The following ATP2A2 variants were observed in gnomAD, a reference collection of about 807,000 sequenced individuals.
The protein encoded by ATP2A2 is ATPase sarcoplasmic/endoplasmic reticulum Ca2+ transporting 2.
In ATP2A2, 14 loss-of-function variants were observed where a neutral mutation model predicts 109.3. The ratio of observed to expected loss-of-function variants is 0.13; its 90% CI spans 0.08 to 0.20. The LOEUF (loss-of-function observed/expected upper bound fraction) is 0.20, where lower values mean the gene tolerates loss of function less well. Ranked by LOEUF, ATP2A2 falls within the 10% of genes least tolerant of loss-of-function variation. ATP2A2 has a pLI of 1.00. For missense variants in ATP2A2, 657 were observed against 1,321.6 expected (o/e 0.50, Z 7.80); for synonymous variants, 506 against 490.9 (o/e 1.03, Z -0.41).
chr12:110,321,113 G>C (rs1374074962), intron 5 of ATP2A2, among the ~76,000 whole-genome samples: 1 of 152,126 alleles, frequency 6.6e-6, no homozygotes, highest in Non-Finnish European at 1.5e-5. Flanking sequence ...CTGTAGTCCC[G>C]GTTGATCAGG....
intron 11 of ATP2A2, among the ~76,000 whole-genome samples, chr12:110,338,495 T>C (rs1442371780): frequency 1.3e-5 from 2 of 152,222 alleles, no homozygotes; most frequent in African/African-American, 4.8e-5. Context: ...GTTTGCTCTT[T>C]CGTCCAGGGT....
chr12:110,332,634 C>G lies in ATP2A2; in HGVS notation c.1133C>G (p.Ser378Cys). 6 of 1,613,698 alleles carry G rather than the reference C, an allele frequency of 3.7e-6. No homozygotes were observed. Among genetic ancestry groups the G allele is most frequent in the Non-Finnish European group, 5.1e-6 (6 of 1,179,620 alleles). The change falls in exon 9 of 20, where the codon TCC becomes TGC. Residue 378 changes from serine to cysteine, a missense_variant. Around this residue, in one of 9 missense-constraint regions of ATP2A2, gnomAD observed 46 missense variants for 62.0 expected, o/e 0.74. Transcript: ENST00000539276. The stretch of plus-strand genomic sequence containing the variant: ...GACAGAGTGGAAGGTGATACTTGTT[C>G]CCTTAATGAGTTTACCATAACTGGA... ...ILDRVEGDTC[S>C]LNEFTITGST...
rs117494432 is a variant in ATP2A2, at chr12:110,345,338, G to A, written c.2697G>A (p.Ala899=). 1.7e-5 allele frequency: 28 copies of A among 1,614,062 alleles called. No homozygotes were observed. The highest frequency in any genetic ancestry group is 1.2e-4 in the Admixed American group (7 of 59,990). ...AATCCCCATACCCGATGACAATGGC[G>A]CTCTCTGTTCTAGTAACTATAGAAA... The part of the protein sequence containing the change: ...IFESPYPMTM[A]LSVLVTIEMC... The change falls in exon 18 of 20, where the codon GCG becomes GCA. Residue 899 remains alanine, a synonymous_variant. Transcript: ENST00000539276.
rs776130057 is a variant in ATP2A2, at chr12:110,323,083, T to TA, written c.544+12dup. 1.3e-6 allele frequency: 2 copies of TA among 1,587,932 alleles called. No individual in the cohort carries two copies. Among genetic ancestry groups the TA allele is most frequent in the East Asian group, 4.5e-5 (2 of 44,736 alleles). On this transcript the variant is annotated intron_variant, in intron 6 of 19. Coordinates refer to ENST00000539276, the MANE Select transcript of ATP2A2 (RefSeq NM_170665.4). ...AGTCAATTCTCACAGGTAAATATGA[T>TA]ATATTAAGTCATTGAATTTCTGAAG...
chr12:110,289,167 G>C (rs984867894), intron 3 of ATP2A2, among the ~76,000 whole-genome samples: 3 of 152,160 alleles, frequency 2.0e-5, no homozygotes, highest in African/African-American at 4.8e-5. Context: ...ACTGCCAAGA[G>C]GGAAATTCAT....
intron 4 of ATP2A2, chr12:110,296,241 A>G (rs983581498): frequency 8.1e-6 from 2 of 248,128 alleles, no homozygotes; most frequent in Non-Finnish European, 1.6e-5. Flanking sequence ...CAGCCTCCTG[A>G]GCCCAGACTA....
In ATP2A2 at chr12:110,327,705, C is replaced by G; in HGVS notation, c.783C>G (p.Ser261=). 3 of 1,614,122 alleles carry G rather than the reference C, an allele frequency of 1.9e-6. No homozygotes were observed. The highest frequency in any genetic ancestry group is 2.5e-6 in the Non-Finnish European group (3 of 1,180,030). The part of the protein sequence containing the change: ...QKLDEFGEQL[S]KVISLICIAV... ...TAGATGAATTTGGGGAACAGCTTTC[C>G]AAAGTCATCTCCCTTATTTGCATTG... Residue 261 remains serine, a synonymous_variant, in exon 8 of 20, where the codon TCC becomes TCG. Coordinates refer to ENST00000539276, the MANE Select transcript of ATP2A2 (RefSeq NM_170665.4). This position sits in a 1 kb window ranked among gnomAD's most constrained non-coding sequence, Gnocchi z 4.4.
At chr12:110,316,034 C>G (rs950747879) in intron 5 of ATP2A2, among the ~76,000 whole-genome samples, 4 of 152,162 alleles carry the variant, frequency 2.6e-5, no homozygotes, top group African/African-American at 9.7e-5. Flanking sequence ...TTACAGTGAG[C>G]CGAGATCATG....
intron 3 of ATP2A2, among the ~76,000 whole-genome samples, chr12:110,288,650 C>T (rs551920974): frequency 6.6e-5 from 10 of 152,082 alleles, no homozygotes; most frequent in Non-Finnish European, 1.0e-4. Flanking sequence ...GGTGATCTGC[C>T]CACCTCAGCC....
At position 110,285,765 on chromosome 12, in the gene ATP2A2, C is replaced by T. The variant is rs3026446; in HGVS notation, c.219+2970C>T. Reference sequence around the variant, plus strand: ...TAATTTGCATAGGTTTCTCTACCTTCCACCGTCGTTTCCCATGTCAGCTAC... The same window carrying T: ...TAATTTGCATAGGTTTCTCTACCTTTCACCGTCGTTTCCCATGTCAGCTAC... On this transcript the variant is annotated intron_variant, in intron 3 of 19. Coordinates refer to ENST00000539276, the MANE Select transcript of ATP2A2 (RefSeq NM_170665.4). Among the ~76,000 whole-genome samples, 1,383 of 152,218 alleles carry T rather than the reference C, an allele frequency of 9.1e-3. 11 individuals are homozygous for T. Among genetic ancestry groups the T allele is most frequent in the Non-Finnish European group, 0.015 (1,020 of 68,016 alleles).
At chr12:110,283,415 C>G (rs1592784832) in intron 3 of ATP2A2, among the ~76,000 whole-genome samples, 1 of 152,134 alleles carries the variant, frequency 6.6e-6, no homozygotes, top group Non-Finnish European at 1.5e-5. Context: ...GGAAAAAAAC[C>G]AGCATGGTGT....
Position 110,346,695 on chromosome 12 carries a change from A to G in ATP2A2, c.*225A>G. On this transcript the variant is annotated 3_prime_UTR_variant, in exon 20 of 20. Transcript: ENST00000539276. ...TTGACATGTACAGAGAACTAACACT[A>G]TTTTATGCAAATATTTTTTTGTAGA... 2.1e-6 allele frequency: 3 copies of G among 1,403,112 alleles called. No homozygotes were observed. The highest frequency in any genetic ancestry group is 2.8e-6 in the Non-Finnish European group (3 of 1,082,390). The allele number at this position is 1,403,112 out of a possible 1,614,324, so 86.9% of individuals were successfully genotyped here.
chr12:110,345,338 G>T lies in ATP2A2; in HGVS notation c.2697G>T (p.Ala899=), dbSNP rs117494432. ...AATCCCCATACCCGATGACAATGGC[G>T]CTCTCTGTTCTAGTAACTATAGAAA... is the stretch of plus-strand genomic sequence containing the variant. ...IFESPYPMTM[A]LSVLVTIEMC... is the part of the protein sequence containing the mutation. Residue 899 remains alanine, a synonymous_variant, in exon 18 of 20, where the codon GCG becomes GCT. Transcript: ENST00000539276. 7.0e-4 allele frequency: 1,126 copies of T among 1,614,176 alleles called. No individual in the cohort carries two copies. The highest frequency in any genetic ancestry group is 8.6e-4 in the Non-Finnish European group (1,011 of 1,180,014).
At position 110,349,506 on chromosome 12, in the gene ATP2A2, CTGG is replaced by C; in HGVS notation, c.*3037_*3039del. ...CTCTGCAGAATGCAGATGATCCATT[CTGG>C]AGGAAGCTGTCCCTTGAGCTCAGTG... On this transcript the variant is annotated 3_prime_UTR_variant, in exon 20 of 20. Transcript: ENST00000539276. 1.0e-6 allele frequency: 1 copy of C among 986,046 alleles called. No individual in the cohort carries two copies. The highest frequency in any genetic ancestry group is 1.2e-6 in the Non-Finnish European group (1 of 830,368). 61.1% of individuals were successfully genotyped at this position (986,046 alleles called of 1,614,324 possible).
chr12:110,303,396 TTGC>T (rs773717555), intron 5 of ATP2A2, among the ~76,000 whole-genome samples: 5 of 151,934 alleles, frequency 3.3e-5, no homozygotes, highest in East Asian at 3.9e-4. Context: ...CCTGGCTTGC[TTGC>T]TTTTTTGTTT....
chr12:110,328,609 C>T (rs1018234100), intron 8 of ATP2A2, among the ~76,000 whole-genome samples: 30 of 152,128 alleles, frequency 2.0e-4, no homozygotes, highest in African/African-American at 7.0e-4. Context: ...ATTCTGTTGC[C>T]CAGGCTAGTG....
intron 5 of ATP2A2, among the ~76,000 whole-genome samples, chr12:110,316,212 T>G (rs1211120314): frequency 1.3e-5 from 2 of 152,274 alleles, no homozygotes; most frequent in Admixed American, 1.3e-4. Context: ...GGAGTCTGGT[T>G]GTCATTCTAG....
chr12:110,332,272 G>T, intron 8 of ATP2A2: 1 of 368,026 alleles, frequency 2.7e-6, no homozygotes, highest in Non-Finnish European at 5.2e-6. Context: ...TTTGCTGACC[G>T]GGAGTCCTCA....
At chr12:110,300,184 CTTTT>C (rs1193882539) in intron 5 of ATP2A2, among the ~76,000 whole-genome samples, 5 of 74,278 alleles carry the variant, frequency 6.7e-5, no homozygotes, top group Non-Finnish European at 1.2e-4. Flanking sequence ...CTCGCTCTCT[CTTTT>C]TTTTTTTTTT....
Sources: gnomAD v4.1 joint callset for allele counts (sites outside exome capture counted in the v4.1 genomes callset) on GRCh38, gnomAD v4.1.1 for gene constraint, gnomAD v4.1.1 regional missense constraint, Gnocchi (gnomAD v3.1) non-coding constraint, MANE v1.5 for transcripts, NCBI Gene and HGNC (gene_info 2026-07-23, HGNC 2026-07-21) for gene names.